Variants in DNAH14 observed in about 807,000 individuals in gnomAD.
DNAH14 encodes the protein axonemal beta dynein heavy chain 14.
Under a neutral mutation model 520.9 loss-of-function variants are expected in DNAH14, and 478 were observed. The ratio of observed to expected loss-of-function variants is 0.92; its 90% CI spans 0.85 to 0.99. The LOEUF (loss-of-function observed/expected upper bound fraction) is 0.99. Among genes scored for constraint, DNAH14 ranks in the 50% least tolerant of loss-of-function variants. DNAH14 has a pLI of 0.00. For missense variants in DNAH14, 4,831 were observed against 5,234.5 expected, an observed-to-expected ratio of 0.92 and a Z score of 2.38; for synonymous variants, 1,581 against 1,757.2, an observed-to-expected ratio of 0.90 and a Z score of 2.51.
In DNAH14 at chr1:225,362,808, A is replaced by G. The variant is rs543187107; in HGVS notation, c.11987+1917A>G. On this transcript the variant is annotated intron_variant, in intron 75 of 85. Coordinates refer to ENST00000682510, the MANE Select transcript of DNAH14 (RefSeq NM_001367479.1). ...AGGAGAGGAAAATGTGAAGAAAAAA[A>G]CATTTCTTAAGAGTTAGTGATATAT... 3.9e-5 allele frequency among the ~76,000 whole-genome samples: 6 copies of G among 152,312 alleles called. No homozygotes were observed. In the South Asian group the frequency reaches 1.2e-3, roughly 32 times the overall value.
rs1010827282 is a variant in DNAH14 at position 225,399,202 on chromosome 1, C to G, written c.13787C>G (p.Thr4596Arg). Reference protein sequence around the residue: ...TNFLTSVYLSTKKPPSHWITM... With the variant: ...TNFLTSVYLSRKKPPSHWITM... ...TTTTTAACATCAGTGTATTTATCAACGAAGAAACCTCCTAGTCACTGGATC... is the reference window on the plus strand; with the variant it reads ...TTTTTAACATCAGTGTATTTATCAAGGAAGAAACCTCCTAGTCACTGGATC... The change falls in exon 86 of 86, where the codon ACG becomes AGG. Residue 4596 changes from threonine to arginine, a missense_variant. Coordinates refer to ENST00000682510, the MANE Select transcript of DNAH14 (RefSeq NM_001367479.1). 5 of 1,551,658 alleles carry G rather than the reference C, an allele frequency of 3.2e-6. No homozygotes were observed. The highest frequency in any genetic ancestry group is 4.4e-6 in the Non-Finnish European group (5 of 1,146,972).
intron 81 of DNAH14, among the ~76,000 whole-genome samples, chr1:225,381,923 G>A (rs1213719208): frequency 6.6e-6 from 1 of 152,154 alleles, no homozygotes; most frequent in African/African-American, 2.4e-5. Flanking sequence ...AGAAATTACT[G>A]GGTCATGGTC....
chr1:225,222,641 T>C (rs1285286431), intron 41 of DNAH14, among the ~76,000 whole-genome samples: 1 of 152,180 alleles, frequency 6.6e-6, no homozygotes, highest in African/African-American at 2.4e-5. Context: ...CACAGAGCAC[T>C]GATTGGTGCA....
intron 1 of DNAH14, 30 bp downstream of exon 1, chr1:224,929,865 G>A (rs2058559386): frequency 3.1e-6 from 2 of 654,530 alleles, no homozygotes; most frequent in Non-Finnish European, 5.6e-6. Context: ...CCTGTCAGCG[G>A]TCGGCAGAGC....
At chr1:225,341,792 G>C (rs1407153350) in intron 69 of DNAH14, among the ~76,000 whole-genome samples, 1 of 152,150 alleles carries the variant, frequency 6.6e-6, no homozygotes, top group African/African-American at 2.4e-5. Flanking sequence ...AAATTCCTGA[G>C]TCACACTGAT....
At chr1:224,999,439 A>G (rs1470678421) in intron 8 of DNAH14, among the ~76,000 whole-genome samples, 1 of 152,258 alleles carries the variant, frequency 6.6e-6, no homozygotes, top group East Asian at 1.9e-4. Context: ...TCCCAACCTC[A>G]GGTGAGCTTC....
chr1:225,355,074 G>A (rs2095414555), intron 73 of DNAH14, among the ~76,000 whole-genome samples: 2 of 146,302 alleles, frequency 1.4e-5, no homozygotes, highest in Admixed American at 7.1e-5. Flanking sequence ...TTGGCTTGCT[G>A]TAACAAAATA....
chr1:225,078,825 CCT>C (rs2072665904), intron 17 of DNAH14, among the ~76,000 whole-genome samples: 1 of 15,734 alleles, frequency 6.4e-5, no homozygotes, highest in East Asian at 2.0e-3. Context: ...TCTCTCTCTC[CCT>C]CTCTCTCTCT....
Position 225,051,472 on chromosome 1 carries a change from A to G in DNAH14, c.2101A>G (p.Ile701Val). The change falls in exon 17 of 86, where the codon ATT becomes GTT. Residue 701 changes from isoleucine to valine, a missense_variant. Ile to Val is a conservative substitution (Grantham distance 29). Coordinates refer to ENST00000682510, the MANE Select transcript of DNAH14 (RefSeq NM_001367479.1). ...QNIIVNLLTI[I>V]GNSMGLVNAY... ...ACAGATTGTGAATCTCCTGACTATTATTGGTAATTCAATGGGCCTAGTTAA... is the reference window on the plus strand; with the variant it reads ...ACAGATTGTGAATCTCCTGACTATTGTTGGTAATTCAATGGGCCTAGTTAA... The G allele has an allele frequency of 6.6e-7, 1 of 1,513,156 alleles. No individual in the cohort carries two copies. The highest frequency in any genetic ancestry group is 1.3e-5 in the South Asian group (1 of 76,636). 93.7% of individuals were successfully genotyped at this position (1,513,156 alleles called of 1,614,324 possible). A position where few individuals can be genotyped will look rare whatever the true frequency, so the allele number is the denominator to read the frequency against.
chr1:225,103,885 C>T (rs1215653311), intron 23 of DNAH14, among the ~76,000 whole-genome samples: 3 of 149,598 alleles, frequency 2.0e-5, no homozygotes, highest in South Asian at 4.3e-4. Flanking sequence ...CCTTTATTTC[C>T]TTCCCCTGCC....
intron 25 of DNAH14, among the ~76,000 whole-genome samples, chr1:225,118,630 C>G (rs1456727665): frequency 6.6e-6 from 1 of 152,076 alleles, no homozygotes; most frequent in Admixed American, 6.6e-5. Flanking sequence ...AGCCTGTAAT[C>G]CCGACACTTT....
At chr1:225,076,398 C>T (rs1270616646) in intron 17 of DNAH14, among the ~76,000 whole-genome samples, 1 of 152,120 alleles carries the variant, frequency 6.6e-6, no homozygotes, top group Non-Finnish European at 1.5e-5. Flanking sequence ...CTTCAGTGTG[C>T]CTTTTCTTAT....
intron 49 of DNAH14, among the ~76,000 whole-genome samples, chr1:225,268,026 G>T (rs2093182153): frequency 1.3e-5 from 2 of 152,038 alleles, no homozygotes; most frequent in Admixed American, 1.3e-4. Flanking sequence ...GTGGCCTTGA[G>T]CCTGGGTATA....
rs765543106 is a variant in DNAH14 at position 225,353,819 on chromosome 1, A to C, written c.11550A>C (p.Glu3850Asp). 41 of 1,506,664 alleles carry C rather than the reference A, an allele frequency of 2.7e-5. No individual in the cohort carries two copies. The African/African-American group carries it at 5.2e-4, about 19-fold the overall frequency. 93.3% of individuals were successfully genotyped at this position (1,506,664 alleles called of 1,614,324 possible). ...TATATCTAGCTGAACTTTTGAATGA[A>C]AATAAAGAAACGTGTAATCCTATAA... Reference protein sequence around the residue: ...KPPEETELLNENKETCNPINF... With the variant: ...KPPEETELLNDNKETCNPINF... The change falls in exon 73 of 86, where the codon GAA (glutamate) becomes GAC (aspartate). Residue 3850 changes from glutamate to aspartate, a missense_variant. Glu to Asp is a conservative substitution (Grantham distance 45). Transcript: ENST00000682510.
chr1:224,947,040 C>T (rs890276412), intron 1 of DNAH14, among the ~76,000 whole-genome samples: 13 of 151,546 alleles, frequency 8.6e-5, no homozygotes, highest in African/African-American at 2.9e-4. Flanking sequence ...GCCTCAGCCT[C>T]CCGAGTAGCT....
intron 34 of DNAH14, among the ~76,000 whole-genome samples, chr1:225,154,390 G>A (rs1357845123): frequency 1.3e-5 from 2 of 151,946 alleles, no homozygotes; most frequent in Admixed American, 6.6e-5. Context: ...AGTTCACATG[G>A]AAAAATGAGT....
chr1:224,993,704 T>C (rs2063206111), intron 8 of DNAH14, among the ~76,000 whole-genome samples: 1 of 151,998 alleles, frequency 6.6e-6, no homozygotes. Context: ...TGGTCTTTAT[T>C]ATTTCTTTCC....
chr1:225,101,940 G>A (rs1264915403), intron 23 of DNAH14, among the ~76,000 whole-genome samples: 3 of 151,150 alleles, frequency 2.0e-5, no homozygotes, highest in Non-Finnish European at 4.4e-5. Flanking sequence ...TGTGCACAAC[G>A]TGCAGGTTAG....
chr1:225,140,108 C>T (rs2079301833), intron 27 of DNAH14, among the ~76,000 whole-genome samples: 1 of 152,158 alleles, frequency 6.6e-6, no homozygotes, highest in Non-Finnish European at 1.5e-5. Context: ...GTTTCTTGAG[C>T]ACTTCAAATT....
Sources: gnomAD v4.1 joint callset for allele counts (sites outside exome capture counted in the v4.1 genomes callset) on GRCh38, gnomAD v4.1.1 for gene constraint, MANE v1.5 for transcripts, NCBI Gene and HGNC (gene_info 2026-07-23, HGNC 2026-07-21) for gene names.